The following SLC23A2 variants were observed in gnomAD, a reference collection of about 807,000 sequenced individuals.
The protein encoded by SLC23A2 is solute carrier family 23 member 2, also known as Na(+)/L-ascorbic acid transporter 2.
Under a neutral mutation model 73.3 loss-of-function variants are expected in SLC23A2, and 36 were observed. The ratio of observed to expected loss-of-function variants is 0.49; its 90% confidence interval spans 0.38 to 0.65. The LOEUF (loss-of-function observed/expected upper bound fraction) is 0.65, where lower values mean the gene tolerates loss of function less well. Ranked by LOEUF, SLC23A2 falls within the 30% of genes least tolerant of loss-of-function variation. The pLI, the probability that SLC23A2 is intolerant of heterozygous loss-of-function variation, is 0.00. For synonymous variants in SLC23A2, 343 were observed against 327.3 expected (o/e 1.05, Z -0.52); for missense variants, 507 against 841.6 (o/e 0.60, Z 4.92).
chr20:4,954,698 C>CAAA (rs200579910), intron 2 of SLC23A2, among the ~76,000 whole-genome samples: 2,882 of 53,750 alleles, frequency 0.054, 196 homozygotes, highest in African/African-American at 0.14. Context: ...GACTCCATCA[C>CAAA]AAAAAAAAAA....
rs552565882 is a variant in SLC23A2, at chr20:4,957,481, G to T, written c.-155+13312C>A. Among the ~76,000 whole-genome samples the T allele has an allele frequency of 8.8e-5, 13 of 147,302 alleles. No individual in the cohort carries two copies. In the South Asian group the frequency reaches 2.8e-3, roughly 31 times the overall value. ...CTCTAAAAATTAATTTTAAAAATAAGAATCAATACTCTAGAAATTTTAAAG... is the reference window on the plus strand; with the variant it reads ...CTCTAAAAATTAATTTTAAAAATAATAATCAATACTCTAGAAATTTTAAAG... On this transcript the variant is annotated intron_variant, in intron 2 of 16. Transcript: ENST00000338244.
chr20:4,883,942 T>C lies in SLC23A2; in HGVS notation c.643-119A>G. ...GCAATAAGTTATTACATCATCTAAC[T>C]TGGGAGAGATAGCTAGAAAATTCCC... On this transcript the variant is annotated intron_variant, in intron 8 of 16. Transcript: ENST00000338244. This position sits in a 1 kb window ranked among gnomAD's most constrained non-coding sequence, Gnocchi z 4.5. 1.4e-6 allele frequency: 1 copy of C among 700,148 alleles called. No homozygotes were observed. Among genetic ancestry groups the C allele is most frequent in the South Asian group, 2.4e-5 (1 of 42,370 alleles). 43.4% of individuals were successfully genotyped at this position (700,148 alleles called of 1,614,324 possible). A position where few individuals can be genotyped will look rare whatever the true frequency, so the allele number is the denominator to read the frequency against.
At chr20:4,875,589 T>C (rs570572625) in intron 9 of SLC23A2, among the ~76,000 whole-genome samples, 31 of 152,290 alleles carry the variant, frequency 2.0e-4, no homozygotes, top group African/African-American at 7.2e-4. Flanking sequence ...TGAACTGCAC[T>C]AAGTGCTATG....
At chr20:4,989,611 G>C (rs6084954) in intron 1 of SLC23A2, among the ~76,000 whole-genome samples, 1 of 141,832 alleles carries the variant, frequency 7.1e-6, no homozygotes, top group Non-Finnish European at 1.6e-5. Flanking sequence ...AGGAGATTAA[G>C]GCTGCAGTGA....
chr20:4,930,801 A>G (rs1263522191), intron 3 of SLC23A2, among the ~76,000 whole-genome samples: 1 of 151,974 alleles, frequency 6.6e-6, no homozygotes, highest in East Asian at 1.9e-4. Flanking sequence ...CATGGGTGAC[A>G]GAGCAAGACG....
chr20:4,955,648 G>T (rs1386727900), intron 2 of SLC23A2, among the ~76,000 whole-genome samples: 1 of 152,140 alleles, frequency 6.6e-6, no homozygotes, highest in South Asian at 2.1e-4. Context: ...AAAATTAGCC[G>T]GGTATGGGGG....
intron 2 of SLC23A2, among the ~76,000 whole-genome samples, chr20:4,958,013 G>A (rs1158704557): frequency 6.6e-5 from 10 of 152,134 alleles, no homozygotes; most frequent in Non-Finnish European, 1.2e-4. Flanking sequence ...CAGAATGTGT[G>A]CTGACAAGCA....
At chr20:4,985,833 G>T (rs1414696727) in intron 1 of SLC23A2, among the ~76,000 whole-genome samples, 1 of 152,152 alleles carries the variant, frequency 6.6e-6, no homozygotes, top group African/African-American at 2.4e-5. Context: ...GCCAGAGGCT[G>T]GGTGAAAAGG....
chr20:4,969,355 C>T (rs1568648120), intron 2 of SLC23A2, among the ~76,000 whole-genome samples: 1 of 152,182 alleles, frequency 6.6e-6, no homozygotes. Context: ...TCCCAAAGTG[C>T]TGGGATTCCA....
intron 2 of SLC23A2, among the ~76,000 whole-genome samples, chr20:4,954,868 C>T (rs929819939): frequency 2.6e-5 from 4 of 152,050 alleles, no homozygotes; most frequent in African/African-American, 7.2e-5. Flanking sequence ...CTGAATGACA[C>T]CCAGAGGGGT....
At chr20:4,913,033 C>G (rs111438205) in intron 3 of SLC23A2, 55 bp from the exon 4 acceptor site, 9 of 1,165,056 alleles carry the variant, frequency 7.7e-6, no homozygotes, top group Admixed American at 6.7e-5. Context: ...TTTTCCTCCC[C>G]CCGAAAGCCA....
At position 4,867,844 on chromosome 20, in the gene SLC23A2, G is replaced by T. The variant is rs781465303; in HGVS notation, c.1282C>A (p.Leu428Ile). 6.2e-7 allele frequency: 1 copy of T among 1,610,266 alleles called. No individual in the cohort carries two copies. The highest frequency in any genetic ancestry group is 1.1e-5 in the South Asian group (1 of 90,970). ...TTCCCAGTACCAAATATGCCATCAAGAACACAGGAGAGGCCTTCCACGAAA... is the reference window on the plus strand; with the variant it reads ...TTCCCAGTACCAAATATGCCATCAATAACACAGGAGAGGCCTTCCACGAAA... Reference protein sequence around the residue: ...GIFVEGLSCVLDGIFGTGNGS... With the variant: ...GIFVEGLSCVIDGIFGTGNGS... The change falls in exon 13 of 17, where the codon CTT becomes ATT. Residue 428 changes from leucine to isoleucine, a missense_variant. Leu to Ile is a conservative substitution (Grantham distance 5, BLOSUM62 2). Around this residue, in one of 5 missense-constraint regions of SLC23A2, gnomAD observed 168 missense variants for 302.3 expected, o/e 0.56. Coordinates refer to ENST00000338244, the MANE Select transcript of SLC23A2 (RefSeq NM_005116.6).
chr20:4,912,466 G>A (rs1046969131), intron 4 of SLC23A2, among the ~76,000 whole-genome samples: 1 of 151,940 alleles, frequency 6.6e-6, no homozygotes, highest in African/African-American at 2.4e-5. Context: ...ACCAGATGTT[G>A]ACATTTTTAT....
chr20:4,921,761 T>C (rs1932506290), intron 3 of SLC23A2, among the ~76,000 whole-genome samples: 2 of 152,194 alleles, frequency 1.3e-5, no homozygotes, highest in South Asian at 4.1e-4. Context: ...CTTATTTCTC[T>C]TGTAAATGAA....
At chr20:4,978,304 G>C (rs2087675762) in intron 1 of SLC23A2, among the ~76,000 whole-genome samples, 1 of 152,160 alleles carries the variant, frequency 6.6e-6, no homozygotes, top group Non-Finnish European at 1.5e-5. Flanking sequence ...GTGTGAACAA[G>C]CACTGTTGAC....
intron 2 of SLC23A2, among the ~76,000 whole-genome samples, chr20:4,945,078 T>C (rs1353309294): frequency 6.6e-6 from 1 of 151,894 alleles, no homozygotes; most frequent in Admixed American, 6.6e-5. Context: ...GGTTACCTAA[T>C]ACACAGAGTC....
upstream of SLC23A2, among the ~76,000 whole-genome samples, chr20:5,006,216 G>A (rs951485349): frequency 6.6e-6 from 1 of 151,530 alleles, no homozygotes; most frequent in African/African-American, 2.4e-5. Flanking sequence ...TCCTGCCTCA[G>A]CCTCCCGAGT....
intron 9 of SLC23A2, among the ~76,000 whole-genome samples, chr20:4,879,695 AT>A (rs2122818619): frequency 6.6e-6 from 1 of 152,274 alleles, no homozygotes; most frequent in South Asian, 2.1e-4. Flanking sequence ...AATTTAACAA[AT>A]AAAAAAAAAC....
rs1930476359 is a variant in SLC23A2 at position 4,872,287 on chromosome 20, G to A, written c.1102+1649C>T. Among the ~76,000 whole-genome samples, 1 of 151,932 alleles carries A rather than the reference G, an allele frequency of 6.6e-6. No individual in the cohort carries two copies. The highest frequency in any genetic ancestry group is 2.4e-5 in the African/African-American group (1 of 41,332). ...GTACTACATATGTATACAGTAGTAC[G>A]ACTATATCCCTGGAGGTGGCTTTCT... On this transcript the variant is annotated intron_variant, in intron 11 of 16. Coordinates refer to ENST00000338244, the MANE Select transcript of SLC23A2 (RefSeq NM_005116.6). The surrounding 1 kb of genome is among the most constrained non-coding windows in gnomAD (Gnocchi z 4.4).
Sources: gnomAD v4.1 joint callset for allele counts (sites outside exome capture counted in the v4.1 genomes callset) on GRCh38, gnomAD v4.1.1 for gene constraint, gnomAD v4.1.1 regional missense constraint, Gnocchi (gnomAD v3.1) non-coding constraint, MANE v1.5 for transcripts, NCBI Gene and HGNC (gene_info 2026-07-23, HGNC 2026-07-21) for gene names.